NBAS: variants seen among roughly 807,000 people sequenced by gnomAD.
NBAS encodes NBAS subunit of NRZ tethering complex, also known as NAG/BC035112 fusion.
In NBAS, 219 loss-of-function variants were observed where a neutral mutation model predicts 302.5. The observed-to-expected ratio is 0.72, with a 90% CI of 0.65 to 0.81. NBAS has a LOEUF of 0.81. Ranked by LOEUF, NBAS falls within the 30% of genes least tolerant of loss-of-function variation. The probability of loss-of-function intolerance (pLI) is 0.00; values close to 1 mark genes in which losing one functional copy is unlikely to be tolerated. For synonymous variants in NBAS, 1,118 were observed against 1,021.6 expected (o/e 1.09, Z -1.80); for missense variants, 2,932 against 2,841.6 (o/e 1.03, Z -0.72).
At chr2:15,510,170 T>G (rs185740606) in intron 10 of NBAS, among the ~76,000 whole-genome samples, 21 of 152,270 alleles carry the variant, frequency 1.4e-4, no homozygotes, top group Non-Finnish European at 2.1e-4. Context: ...TTCATACAGT[T>G]TACACAAATA....
the NBAS span, among the ~76,000 whole-genome samples, chr2:14,964,082 T>G: frequency 6.6e-6 from 1 of 152,310 alleles, no homozygotes; most frequent in East Asian, 1.9e-4. Context: ...TCAAGAATAT[T>G]TATAGGTATA....
At chr2:14,787,305 C>A in the NBAS span, among the ~76,000 whole-genome samples, 18 of 152,194 alleles carry the variant, frequency 1.2e-4, no homozygotes, top group Non-Finnish European at 1.8e-4. Flanking sequence ...TTAATTGGAG[C>A]ATTTAGTCCA....
chr2:15,387,708 T>C (rs1204147475), intron 28 of NBAS, among the ~76,000 whole-genome samples: 4 of 151,904 alleles, frequency 2.6e-5, no homozygotes, highest in Non-Finnish European at 4.4e-5. Flanking sequence ...CTCGGCTCAA[T>C]GCAACCTCCA....
the NBAS span, among the ~76,000 whole-genome samples, chr2:15,101,069 T>C: frequency 6.6e-6 from 1 of 152,220 alleles, no homozygotes; most frequent in Non-Finnish European, 1.5e-5. Flanking sequence ...ATGAGAATCA[T>C]AATTTAGGAA....
the NBAS span, among the ~76,000 whole-genome samples, chr2:14,895,739 C>CAAAAAAAAAAAAAAAAAAAAAA: frequency 1.0e-5 from 1 of 95,472 alleles, no homozygotes; most frequent in Non-Finnish European, 2.2e-5. Flanking sequence ...GACTCCGTCT[C>CAAAAAAAAAAAAAAAAAAAAAA]AAAAAAAAAA....
intron 44 of NBAS, among the ~76,000 whole-genome samples, chr2:15,247,272 C>T (rs930471978): frequency 6.6e-6 from 1 of 152,194 alleles, no homozygotes; most frequent in South Asian, 2.1e-4. Context: ...GTACCAGCCA[C>T]TGCAGAAACA....
chr2:14,844,682 G>A, the NBAS span, among the ~76,000 whole-genome samples: 6 of 152,152 alleles, frequency 3.9e-5, no homozygotes, highest in Non-Finnish European at 8.8e-5. Context: ...TGCCCTGAAG[G>A]GTGAGGCCCA....
intron 31 of NBAS, among the ~76,000 whole-genome samples, chr2:15,368,612 C>T (rs1343931675): frequency 6.6e-6 from 1 of 152,182 alleles, no homozygotes; most frequent in Non-Finnish European, 1.5e-5. Flanking sequence ...CCTTCAAAAT[C>T]ACCATTGCTA....
At position 15,398,994 on chromosome 2, in the gene NBAS, A is replaced by T. The variant is rs1298769923; in HGVS notation, c.3072-2519T>A. Among the ~76,000 whole-genome samples, 3 of 152,180 alleles carry T rather than the reference A, an allele frequency of 2.0e-5. No homozygotes were observed. The East Asian group carries it at 5.8e-4, about 29-fold the overall frequency. On this transcript the variant is annotated intron_variant, in intron 26 of 51. Transcript: ENST00000281513. The stretch of plus-strand genomic sequence containing the variant: ...ATTTCTTAGCCTATACATTCTTCAA[A>T]AACAAATATGGTAATCCCCTAACTG...
chr2:14,997,812 G>A, the NBAS span, among the ~76,000 whole-genome samples: 1 of 152,108 alleles, frequency 6.6e-6, no homozygotes, highest in African/African-American at 2.4e-5. Context: ...TTTACTCTCT[G>A]CTTCCATAAG....
At chr2:15,345,698 C>T (rs2148281591) in intron 35 of NBAS, among the ~76,000 whole-genome samples, 1 of 152,134 alleles carries the variant, frequency 6.6e-6, no homozygotes, top group African/African-American at 2.4e-5. Context: ...ATCTAGCCAA[C>T]ACAATCCTAA....
chr2:14,855,742 C>T, the NBAS span, among the ~76,000 whole-genome samples: 1 of 152,104 alleles, frequency 6.6e-6, no homozygotes, highest in Non-Finnish European at 1.5e-5. Context: ...ACTGCCAGGT[C>T]AGGCACGATA....
chr2:15,448,541 T>G (rs971757869), intron 21 of NBAS, among the ~76,000 whole-genome samples: 1 of 152,210 alleles, frequency 6.6e-6, no homozygotes, highest in African/African-American at 2.4e-5. Context: ...CTCTTTCCAG[T>G]ACACTATACT....
rs752709173 is a variant in NBAS at position 15,461,265 on chromosome 2, T to C, written c.2275A>G (p.Ile759Val). Residue 759 changes from isoleucine (I) to valine (V), a missense_variant, in exon 21 of 52, where the codon ATT (isoleucine) becomes GTT (valine). By Grantham distance (29) the Ile-to-Val change is conservative. Coordinates refer to ENST00000281513, the MANE Select transcript of NBAS (RefSeq NM_015909.4). ...GTGGTCTCTGGAAAGTTGGACAGAATTGCAAGGCGATGAGGAAGCAGGTCG... is the reference window on the plus strand; with the variant it reads ...GTGGTCTCTGGAAAGTTGGACAGAACTGCAAGGCGATGAGGAAGCAGGTCG... ...GSDLLPHRLAILSNFPETTSP... is the reference protein window; with the variant it reads ...GSDLLPHRLAVLSNFPETTSP... 1.2e-6 allele frequency: 2 copies of C among 1,613,694 alleles called. No homozygotes were observed. Among genetic ancestry groups the C allele is most frequent in the Non-Finnish European group, 1.7e-6 (2 of 1,179,708 alleles).
intron 44 of NBAS, among the ~76,000 whole-genome samples, chr2:15,245,660 C>CGGAT (rs1417876870): frequency 5.3e-5 from 8 of 151,110 alleles, no homozygotes; most frequent in South Asian, 4.2e-4. Flanking sequence ...GACGGACGGA[C>CGGAT]GGATGGATGG....
the NBAS span, among the ~76,000 whole-genome samples, chr2:14,854,241 A>T: frequency 1.3e-5 from 2 of 152,036 alleles, no homozygotes; most frequent in African/African-American, 4.8e-5. Flanking sequence ...GAAAACTTCA[A>T]ATAAACAACC....
At chr2:15,001,723 A>T in the NBAS span, among the ~76,000 whole-genome samples, 11 of 151,904 alleles carry the variant, frequency 7.2e-5, no homozygotes, top group African/African-American at 2.7e-4. Flanking sequence ...GCGCGTCTGG[A>T]GTTTGTTCCT....
At chr2:15,449,839 G>T (rs904150731) in intron 21 of NBAS, among the ~76,000 whole-genome samples, 1 of 152,138 alleles carries the variant, frequency 6.6e-6, no homozygotes, top group Non-Finnish European at 1.5e-5. Flanking sequence ...ACCTCAGAAG[G>T]CCAAACACTT....
At chr2:14,898,760 G>A in the NBAS span, among the ~76,000 whole-genome samples, 3 of 152,218 alleles carry the variant, frequency 2.0e-5, no homozygotes, top group Middle Eastern at 3.4e-3. Flanking sequence ...CCATGATTAT[G>A]AGGCTTCCCC....
Sources: allele counts gnomAD v4.1 joint callset (sites outside exome capture counted in the v4.1 genomes callset), GRCh38; gene constraint gnomAD v4.1.1; transcripts MANE v1.5; gene names NCBI Gene and HGNC (gene_info 2026-07-23, HGNC 2026-07-21).